Variants in RYR2 observed in about 807,000 individuals in gnomAD.
The protein encoded by RYR2 is ryanodine receptor 2, also known as cardiac muscle ryanodine receptor-calcium release channel.
Under a neutral mutation model 601.1 loss-of-function variants are expected in RYR2, and 227 were observed. The ratio of observed to expected loss-of-function variants is 0.38; its 90% CI spans 0.34 to 0.42. RYR2 has a LOEUF of 0.42. Ranked by LOEUF, RYR2 falls within the 10% of genes least tolerant of loss-of-function variation. The probability of loss-of-function intolerance (pLI) is 1.00; values close to 1 mark genes in which losing one functional copy is unlikely to be tolerated. For missense variants in RYR2, 4,646 were observed against 6,156.5 expected (o/e 0.75, Z 8.21); for synonymous variants, 2,223 against 2,175.1 (o/e 1.02, Z -0.61).
chr1:237,776,847 C>T (rs1694704880), intron 87 of RYR2, among the ~76,000 whole-genome samples: 1 of 152,124 alleles, frequency 6.6e-6, no homozygotes, highest in African/African-American at 2.4e-5. Context: ...CTTAGTCCTC[C>T]AGTGCCTGGA....
In RYR2 at chr1:237,638,442, T is replaced by C. The variant is rs1023112178; in HGVS notation, c.6878T>C (p.Val2293Ala). ...KGYPDIGWNP[V>A]EGERYLDFLR... Reference sequence around the variant, plus strand: ...TATCCAGACATTGGGTGGAACCCAGTTGAAGGAGAGAGATATCTTGACTTT... The same window carrying C: ...TATCCAGACATTGGGTGGAACCCAGCTGAAGGAGAGAGATATCTTGACTTT... The change falls in exon 45 of 105, where the codon GTT becomes GCT. Residue 2293 changes from valine (V) to alanine (A), a missense_variant. Physicochemically the swap from Val to Ala is moderately conservative, Grantham distance 64. Around this residue, in one of 17 missense-constraint regions of RYR2, gnomAD observed 137 missense variants for 273.6 expected, o/e 0.50. Coordinates refer to ENST00000366574, the MANE Select transcript of RYR2 (RefSeq NM_001035.3). 6.2e-7 allele frequency: 1 copy of C among 1,613,994 alleles called. No individual in the cohort carries two copies.
At chr1:237,549,656 T>TA (rs1466028773) in intron 26 of RYR2, among the ~76,000 whole-genome samples, 5 of 105,150 alleles carry the variant, frequency 4.8e-5, no homozygotes, top group Non-Finnish European at 1.0e-4. Context: ...TTTTTTTTTT[T>TA]AACTCTTGGG....
intron 58 of RYR2, among the ~76,000 whole-genome samples, chr1:237,672,852 T>C (rs777338570): frequency 6.6e-6 from 1 of 152,172 alleles, no homozygotes; most frequent in Non-Finnish European, 1.5e-5. Context: ...TTCCTTATTA[T>C]GGTTAGTATT....
At chr1:237,178,709 G>A (rs1360173693) in intron 1 of RYR2, among the ~76,000 whole-genome samples, 3 of 152,024 alleles carry the variant, frequency 2.0e-5, no homozygotes, top group East Asian at 1.9e-4. Context: ...CTTGGACAGA[G>A]GTGGGAGGAT....
chr1:237,693,316 A>G (rs1309667706), intron 63 of RYR2, among the ~76,000 whole-genome samples: 5 of 152,174 alleles, frequency 3.3e-5, no homozygotes. Flanking sequence ...TAATAAGATC[A>G]TGAAACTCAA....
chr1:237,631,902 G>A (rs1680360813), intron 42 of RYR2, among the ~76,000 whole-genome samples: 1 of 151,428 alleles, frequency 6.6e-6, no homozygotes. Flanking sequence ...CGAAGTGCTG[G>A]GATTACAGGC....
chr1:237,577,551 T>TGTGTGTGAGAGAGA, intron 29 of RYR2, among the ~76,000 whole-genome samples: 1 of 129,522 alleles, frequency 7.7e-6, no homozygotes, highest in Non-Finnish European at 1.7e-5. Context: ...TGTGTGTGTT[T>TGTGTGTGAGAGAGA]GAGAGAGAGA....
intron 8 of RYR2, among the ~76,000 whole-genome samples, chr1:237,378,398 CAGTAAATTGAAATGA>C (rs1701203913): frequency 6.6e-6 from 1 of 152,074 alleles, no homozygotes; most frequent in Non-Finnish European, 1.5e-5. Context: ...CAGAAGTTTA[CAGTAAATTGAAATGA>C]AGTAAGTTGA....
intron 3 of RYR2, among the ~76,000 whole-genome samples, chr1:237,341,374 C>T (rs1389039867): frequency 6.6e-6 from 1 of 152,132 alleles, no homozygotes; most frequent in African/African-American, 2.4e-5. Context: ...GATAGAGTCT[C>T]ATTCTGTCAC....
Position 237,399,622 on chromosome 1 carries a change from A to G in RYR2, c.773+11439A>G, listed in dbSNP as rs542524492. On this transcript the variant is annotated intron_variant, in intron 10 of 104. Coordinates refer to ENST00000366574, the MANE Select transcript of RYR2 (RefSeq NM_001035.3). Reference sequence around the variant, plus strand: ...CAATCAAGTTCGCAAGTGCACACAGAACAAAGGAGACCAGGGGGTTTTTAT... The same window carrying G: ...CAATCAAGTTCGCAAGTGCACACAGGACAAAGGAGACCAGGGGGTTTTTAT... 2.0e-5 allele frequency among the ~76,000 whole-genome samples: 3 copies of G among 152,348 alleles called. No homozygotes were observed. In the East Asian group the frequency reaches 5.8e-4, roughly 29 times the overall value.
chr1:237,438,297 A>G (rs1224706147), intron 12 of RYR2, among the ~76,000 whole-genome samples: 9 of 152,184 alleles, frequency 5.9e-5, no homozygotes, highest in Non-Finnish European at 1.0e-4. Flanking sequence ...ATTGATTTGT[A>G]TTGCCTATAC....
intron 12 of RYR2, among the ~76,000 whole-genome samples, chr1:237,428,409 A>G (rs931664786): frequency 1.1e-4 from 16 of 152,340 alleles, no homozygotes; most frequent in African/African-American, 3.8e-4. Flanking sequence ...ATGGAACACT[A>G]TGCAGCCACA....
chr1:237,496,386 C>A (rs886734607), intron 19 of RYR2, 125 bp from the exon 20 acceptor site: 3 of 1,314,614 alleles, frequency 2.3e-6, no homozygotes, highest in Non-Finnish European at 3.1e-6. Context: ...TCAGCCTAGG[C>A]AACAGAGCAA....
In RYR2 at chr1:237,809,007, C is replaced by T. The variant is rs1660968129; in HGVS notation, c.14405C>T (p.Pro4802Leu). 9 of 1,613,194 alleles carry T rather than the reference C, an allele frequency of 5.6e-6. No individual in the cohort carries two copies. The highest frequency in any genetic ancestry group is 7.6e-6 in the Non-Finnish European group (9 of 1,179,308). ...FYNKSEDGDTPDMKCDDMLTC... is the reference protein window; with the variant it reads ...FYNKSEDGDTLDMKCDDMLTC... ...AATAAAAGTGAAGATGGTGATACAC[C>T]AGATATGAAATGTGACGATATGCTA... The change falls in exon 100 of 105, where the codon CCA becomes CTA. Residue 4802 changes from proline (P) to leucine (L), a missense_variant. Physicochemically the swap from Pro to Leu is moderately conservative, Grantham distance 98 (BLOSUM62 -3). Transcript: ENST00000366574.
At chr1:237,503,242 T>A (rs1328793243) in intron 21 of RYR2, 47 bp from the exon 22 acceptor site, 2 of 1,508,826 alleles carry the variant, frequency 1.3e-6, no homozygotes, top group South Asian at 1.2e-5. Context: ...TAGAAAACTT[T>A]AATGTACACC....
chr1:237,555,675 A>C (rs966090897), intron 27 of RYR2, among the ~76,000 whole-genome samples: 2 of 152,198 alleles, frequency 1.3e-5, no homozygotes, highest in African/African-American at 4.8e-5. Flanking sequence ...TGCTTTCCTG[A>C]TACTCACTGA....
At chr1:237,447,836 C>T (rs1210756415) in intron 14 of RYR2, among the ~76,000 whole-genome samples, 3 of 148,614 alleles carry the variant, frequency 2.0e-5, no homozygotes, top group African/African-American at 7.5e-5. Context: ...TCCCTCCCTC[C>T]CTCTTTCCCC....
intron 1 of RYR2, among the ~76,000 whole-genome samples, chr1:237,115,282 C>T (rs927737474): frequency 2.6e-5 from 4 of 152,012 alleles, no homozygotes; most frequent in African/African-American, 9.7e-5. Context: ...GCTCTTGGGG[C>T]TGGACCACTC....
At chr1:237,288,810 C>T (rs961863562) in intron 2 of RYR2, among the ~76,000 whole-genome samples, 2 of 152,118 alleles carry the variant, frequency 1.3e-5, no homozygotes, top group Admixed American at 1.3e-4. Context: ...TTGCACCCTC[C>T]CCTGAGTTCT....
Sources: gnomAD v4.1 joint callset for allele counts (sites outside exome capture counted in the v4.1 genomes callset) on GRCh38, gnomAD v4.1.1 for gene constraint, gnomAD v4.1.1 regional missense constraint, MANE v1.5 for transcripts, NCBI Gene and HGNC (gene_info 2026-07-23, HGNC 2026-07-21) for gene names.